The following SLC6A11 variants were observed in gnomAD, a reference collection of about 807,000 sequenced individuals.
SLC6A11 encodes the protein sodium- and chloride-dependent GABA transporter 3.
A neutral mutation model predicts 74.8 loss-of-function variants in SLC6A11; 25 were observed. The ratio of observed to expected loss-of-function variants is 0.33; its 90% CI spans 0.24 to 0.47. The LOEUF (loss-of-function observed/expected upper bound fraction) is 0.47, where lower values mean the gene tolerates loss of function less well. SLC6A11 is among the 20% of genes least tolerant of loss of function. The pLI is 1.00. For missense variants in SLC6A11, 574 were observed against 837.0 expected (o/e 0.69, Z 3.88); for synonymous variants, 330 against 330.2 (o/e 1.00, Z 0.01).
chr3:10,922,154 TCA>T (rs1695544696), intron 8 of SLC6A11, among the ~76,000 whole-genome samples: 1 of 152,188 alleles, frequency 6.6e-6, no homozygotes, highest in Non-Finnish European at 1.5e-5. Context: ...AACAGTGCAC[TCA>T]GTGCCTGCAG....
rs1444723778 is a variant in SLC6A11 at position 10,935,460 on chromosome 3, C to T, written c.1746+261C>T. ...TGGGATAACCACAGTACCTAACTTA[C>T]AGAGGCTGTGAGAACTCAGTGAGTT... On this transcript the variant is annotated intron_variant, in intron 13 of 13. Transcript: ENST00000254488. 10 of 433,348 alleles carry T rather than the reference C, an allele frequency of 2.3e-5. No homozygotes were observed. The East Asian group carries it at 3.8e-4, about 17-fold the overall frequency. The allele number at this position is 433,348 out of a possible 1,614,324, so 26.8% of individuals were successfully genotyped here.
intron 5 of SLC6A11, among the ~76,000 whole-genome samples, chr3:10,861,375 G>A (rs1694701213): frequency 6.6e-6 from 1 of 151,918 alleles, no homozygotes; most frequent in Non-Finnish European, 1.5e-5. Context: ...AAATTAGCTG[G>A]GCATGGTGGT....
chr3:10,846,521 C>T (rs1575674280), intron 5 of SLC6A11, among the ~76,000 whole-genome samples: 2 of 152,286 alleles, frequency 1.3e-5, no homozygotes, highest in Non-Finnish European at 2.9e-5. Context: ...CTGTGGGCTA[C>T]AGCAGTGCGG....
At chr3:10,917,053 A>T (rs747050676) in intron 7 of SLC6A11, among the ~76,000 whole-genome samples, 19 of 152,154 alleles carry the variant, frequency 1.2e-4, no homozygotes, top group Non-Finnish European at 2.5e-4. Flanking sequence ...TCTGGATGTG[A>T]CAATTGAGGA....
intron 13 of SLC6A11, 76 bp from the exon 14 acceptor site, chr3:10,938,174 C>A: frequency 7.1e-7 from 1 of 1,409,144 alleles, no homozygotes; most frequent in Non-Finnish European, 9.6e-7. Context: ...CCGCCGTGTG[C>A]TTGGGAGAGG....
At chr3:10,856,808 C>T (rs1280298154) in intron 5 of SLC6A11, among the ~76,000 whole-genome samples, 3 of 152,150 alleles carry the variant, frequency 2.0e-5, no homozygotes, top group East Asian at 1.9e-4. Context: ...AGGCAGGCCC[C>T]GGTCTGAATG....
Position 10,918,213 on chromosome 3 carries a change from G to A in SLC6A11, c.996-116G>A. 8.3e-7 allele frequency: 1 copy of A among 1,205,148 alleles called. No homozygotes were observed. Among genetic ancestry groups the A allele is most frequent in the Non-Finnish European group, 1.1e-6 (1 of 896,162 alleles). The allele number at this position is 1,205,148 out of a possible 1,614,324, so 74.7% of individuals were successfully genotyped here. On this transcript the variant is annotated intron_variant, in intron 7 of 13. Coordinates refer to ENST00000254488, the MANE Select transcript of SLC6A11 (RefSeq NM_014229.3). This position sits in a 1 kb window ranked among gnomAD's most constrained non-coding sequence, Gnocchi z 4.5. ...CCATCAGAAAAACAGAGCTCCCTGTGCCTGCACTTCCCTGCCTGCCTCACA... is the reference window on the plus strand; with the variant it reads ...CCATCAGAAAAACAGAGCTCCCTGTACCTGCACTTCCCTGCCTGCCTCACA...
At chr3:10,854,671 A>G (rs192524684) in intron 5 of SLC6A11, among the ~76,000 whole-genome samples, 62 of 152,274 alleles carry the variant, frequency 4.1e-4, no homozygotes, top group African/African-American at 1.3e-3. Flanking sequence ...TCTCAGAGAC[A>G]GTAAGTAATA....
chr3:10,928,121 T>C (rs558164287), intron 9 of SLC6A11, among the ~76,000 whole-genome samples: 12 of 152,338 alleles, frequency 7.9e-5, no homozygotes, highest in Middle Eastern at 3.4e-3. Flanking sequence ...TAAGTTAATG[T>C]ATGCCAACTG....
intron 4 of SLC6A11, among the ~76,000 whole-genome samples, chr3:10,834,645 C>T (rs1364934985): frequency 6.6e-6 from 1 of 152,156 alleles, no homozygotes; most frequent in African/African-American, 2.4e-5. Flanking sequence ...ACATCCCTTG[C>T]TTGTGCTTTG....
chr3:10,853,454 C>G lies in SLC6A11; in HGVS notation c.756+9108C>G, dbSNP rs147614686. Among the ~76,000 whole-genome samples, 539 of 152,274 alleles carry G rather than the reference C, an allele frequency of 3.5e-3. 1 individual carries two copies. Among genetic ancestry groups the G allele is most frequent in the African/African-American group, 0.011 (437 of 41,554 alleles). On this transcript the variant is annotated intron_variant, in intron 5 of 13. Coordinates refer to ENST00000254488, the MANE Select transcript of SLC6A11 (RefSeq NM_014229.3). ...CTGGGTCCCCTTCCAGAGAACCTGC[C>G]AAGGCCACCCCTCCCCTCCATCCCT...
chr3:10,817,208 C>A (rs1442883561), intron 1 of SLC6A11, among the ~76,000 whole-genome samples: 4 of 152,126 alleles, frequency 2.6e-5, no homozygotes, highest in Non-Finnish European at 5.9e-5. Flanking sequence ...ATATTTGGGG[C>A]CCCTCTGGTG....
chr3:10,923,957 C>T (rs1188612527), intron 8 of SLC6A11, among the ~76,000 whole-genome samples: 2 of 152,104 alleles, frequency 1.3e-5, no homozygotes, highest in East Asian at 1.9e-4. Flanking sequence ...CATGAGGAAA[C>T]ATCAGACCAA....
chr3:10,913,988 C>T (rs763705895), intron 7 of SLC6A11, among the ~76,000 whole-genome samples: 21 of 152,302 alleles, frequency 1.4e-4, no homozygotes, highest in African/African-American at 4.1e-4. Context: ...CCACGGTGCC[C>T]GGCCAACACA....
intron 5 of SLC6A11, among the ~76,000 whole-genome samples, chr3:10,854,269 G>A (rs976899394): frequency 6.6e-6 from 1 of 151,980 alleles, no homozygotes; most frequent in Non-Finnish European, 1.5e-5. Context: ...CATGCCTGTA[G>A]TCCCAGCTAC....
chr3:10,905,572 C>T (rs2106622447), intron 6 of SLC6A11, among the ~76,000 whole-genome samples: 1 of 152,310 alleles, frequency 6.6e-6, no homozygotes, highest in African/African-American at 2.4e-5. Context: ...ACAGAGTAAC[C>T]TAGCAGTAAT....
intron 3 of SLC6A11, among the ~76,000 whole-genome samples, chr3:10,822,089 C>T (rs563896643): frequency 6.6e-6 from 1 of 152,372 alleles, no homozygotes; most frequent in South Asian, 2.1e-4. Context: ...TTGCAATCCC[C>T]TTTCTCTAAA....
intron 5 of SLC6A11, among the ~76,000 whole-genome samples, chr3:10,851,394 G>A (rs1156232981): frequency 7.3e-6 from 1 of 137,444 alleles, no homozygotes; most frequent in Admixed American, 7.0e-5. Context: ...CTAGGACACC[G>A]AGGCAAGGAA....
chr3:10,876,234 C>G (rs953185536), intron 6 of SLC6A11, among the ~76,000 whole-genome samples: 5 of 152,152 alleles, frequency 3.3e-5, no homozygotes, highest in Middle Eastern at 3.2e-3. Flanking sequence ...GTTTGCCATG[C>G]CTTGCAGGGC....
Sources: gnomAD v4.1 joint callset for allele counts (sites outside exome capture counted in the v4.1 genomes callset) on GRCh38, gnomAD v4.1.1 for gene constraint, Gnocchi (gnomAD v3.1) non-coding constraint, MANE v1.5 for transcripts, NCBI Gene and HGNC (gene_info 2026-07-23, HGNC 2026-07-21) for gene names.